Variants in SLC16A7 observed in about 807,000 individuals in gnomAD.
The protein encoded by SLC16A7 is solute carrier family 16 member 7.
Under a neutral mutation model 34.9 loss-of-function variants are expected in SLC16A7, and 33 were observed. The observed-to-expected ratio is 0.94, with a 90% CI of 0.72 to 1.26. The LOEUF (loss-of-function observed/expected upper bound fraction) is 1.26. Among genes scored for constraint, SLC16A7 ranks in the 50% most tolerant of loss-of-function variants. The pLI, the probability that SLC16A7 is intolerant of heterozygous loss-of-function variation, is 0.00. For synonymous variants in SLC16A7, 201 were observed against 206.6 expected (o/e 0.97, Z 0.23); for missense variants, 573 against 578.1 (o/e 0.99, Z 0.09).
rs759867847 is a variant in SLC16A7, at chr12:59,771,324, G to C, written c.323G>C (p.Ser108Thr). Residue 108 changes from serine to threonine, a missense_variant, in exon 4 of 6, where the codon AGC becomes ACC. Transcript: ENST00000547379. ...LGMVLASFSS[S>T]VVQLYLTMGF... ...ATGGTGTTGGCCTCCTTTAGTAGCA[G>C]CGTGGTACAGCTGTACCTCACTATG... 9 of 1,612,434 alleles carry C rather than the reference G, an allele frequency of 5.6e-6. No individual in the cohort carries two copies. Among genetic ancestry groups the C allele is most frequent in the Non-Finnish European group, 5.9e-6 (7 of 1,179,202 alleles).
chr12:59,694,424 G>C (rs1465680376), intron 2 of SLC16A7, among the ~76,000 whole-genome samples: 2 of 151,914 alleles, frequency 1.3e-5, no homozygotes, highest in African/African-American at 4.8e-5. Flanking sequence ...GGTTAGTTTG[G>C]AGATAAGTGT....
chr12:59,771,184 C>T, intron 3 of SLC16A7, 35 bp from the exon 4 acceptor site: 1 of 1,575,574 alleles, frequency 6.3e-7, no homozygotes, highest in Non-Finnish European at 8.6e-7. Flanking sequence ...ATGACAAGAG[C>T]AACTGAGTAT....
chr12:59,710,082 C>G (rs1240646364), intron 3 of SLC16A7, among the ~76,000 whole-genome samples: 2 of 151,516 alleles, frequency 1.3e-5, no homozygotes, highest in African/African-American at 4.9e-5. Flanking sequence ...TATGAGATAG[C>G]CTTAGTCAAT....
chr12:59,656,695 C>A (rs1458667786), intron 2 of SLC16A7, among the ~76,000 whole-genome samples: 1 of 151,968 alleles, frequency 6.6e-6, no homozygotes, highest in Non-Finnish European at 1.5e-5. Flanking sequence ...TACAGACAGC[C>A]TCAGAGTAGA....
At chr12:59,771,673 A>G (rs1321041989) in intron 4 of SLC16A7, among the ~76,000 whole-genome samples, 1 of 152,090 alleles carries the variant, frequency 6.6e-6, no homozygotes, top group Non-Finnish European at 1.5e-5. Flanking sequence ...GTGTTGTTGG[A>G]CACAGACTTT....
At chr12:59,613,255 T>C (rs994766778) in intron 1 of SLC16A7, among the ~76,000 whole-genome samples, 1 of 152,152 alleles carries the variant, frequency 6.6e-6, no homozygotes, top group African/African-American at 2.4e-5. Flanking sequence ...TATAAAACCA[T>C]CAGATCTTGT....
Position 59,775,273 on chromosome 12 carries a change from G to T in SLC16A7, c.978G>T (p.Val326=), listed in dbSNP as rs200630051. ...FFSFAIMFNG[V]CHLLCPLAQD... Reference sequence around the variant, plus strand: ...GTTTTGCAATCATGTTCAATGGAGTGTGTCACCTCTTGTGCCCACTGGCAC... The same window carrying T: ...GTTTTGCAATCATGTTCAATGGAGTTTGTCACCTCTTGTGCCCACTGGCAC... Residue 326 remains valine (V), a synonymous_variant, in exon 5 of 6, where the codon GTG becomes GTT. Coordinates refer to ENST00000547379, the MANE Select transcript of SLC16A7 (RefSeq NM_001270623.2). 6.2e-7 allele frequency: 1 copy of T among 1,614,180 alleles called. No individual in the cohort carries two copies. The highest frequency in any genetic ancestry group is 1.3e-5 in the African/African-American group (1 of 75,074).
chr12:59,727,486 G>A (rs117056828), intron 3 of SLC16A7, among the ~76,000 whole-genome samples: 1,814 of 152,204 alleles, frequency 0.012, 25 homozygotes, highest in Non-Finnish European at 0.02. Context: ...CAATTTTCAG[G>A]TCTTTAGTAG....
chr12:59,606,364 G>A lies in SLC16A7; in HGVS notation c.-130+10128G>A, dbSNP rs374089430. ...GGAAATTCCCTTTAGATGTGATAGCGCACATAAACACACGTAAAAACTACC... is the reference window on the plus strand; with the variant it reads ...GGAAATTCCCTTTAGATGTGATAGCACACATAAACACACGTAAAAACTACC... On this transcript the variant is annotated intron_variant, in intron 1 of 5. Transcript: ENST00000547379. Among the ~76,000 whole-genome samples, 8 of 152,042 alleles carry A rather than the reference G, an allele frequency of 5.3e-5. No homozygotes were observed. The East Asian group carries it at 7.7e-4, about 15-fold the overall frequency.
intron 2 of SLC16A7, among the ~76,000 whole-genome samples, chr12:59,696,855 G>A (rs1213490675): frequency 1.3e-5 from 2 of 152,046 alleles, no homozygotes; most frequent in African/African-American, 4.8e-5. Context: ...AAATGAAGAA[G>A]TATGTGAGTG....
At chr12:59,644,318 G>C (rs1050748638) in intron 1 of SLC16A7, among the ~76,000 whole-genome samples, 8 of 152,254 alleles carry the variant, frequency 5.3e-5, no homozygotes, top group Middle Eastern at 3.4e-3. Context: ...TGTAATCCCA[G>C]CAGTTTGGGA....
intron 2 of SLC16A7, among the ~76,000 whole-genome samples, chr12:59,685,539 C>T (rs1395362550): frequency 3.3e-5 from 5 of 151,992 alleles, no homozygotes; most frequent in Non-Finnish European, 7.4e-5. Context: ...TTATTTATGA[C>T]ATATTTTGTG....
chr12:59,750,852 C>T (rs2706283), intron 3 of SLC16A7, among the ~76,000 whole-genome samples: 18,641 of 152,044 alleles, frequency 0.12, 1,492 homozygotes, highest in African/African-American at 0.22. Flanking sequence ...AAATGTGGCG[C>T]ATATACACCA....
At chr12:59,724,032 A>G (rs1376061249) in intron 3 of SLC16A7, among the ~76,000 whole-genome samples, 1 of 152,036 alleles carries the variant, frequency 6.6e-6, no homozygotes, top group Non-Finnish European at 1.5e-5. Flanking sequence ...TCGTTGGCCT[A>G]CCGATTGATA....
At chr12:59,748,816 T>C (rs2711693) in intron 3 of SLC16A7, among the ~76,000 whole-genome samples, 18,651 of 152,220 alleles carry the variant, frequency 0.12, 1,496 homozygotes, top group African/African-American at 0.22. Context: ...AAGACTTACC[T>C]ATAGATATGC....
In SLC16A7 at chr12:59,743,536, G is replaced by A. The variant is rs181774447; in HGVS notation, c.218-27683G>A. Among the ~76,000 whole-genome samples, 293 of 152,254 alleles carry A rather than the reference G, an allele frequency of 1.9e-3. 3 individuals carry two copies. The highest frequency in any genetic ancestry group is 6.9e-3 in the African/African-American group (287 of 41,544). ...CATAATCCCTGCACATAGCCTGAAAGATGCTCAGTAAATATGTGGTGAGTA... is the reference window on the plus strand; with the variant it reads ...CATAATCCCTGCACATAGCCTGAAAAATGCTCAGTAAATATGTGGTGAGTA... On this transcript the variant is annotated intron_variant, in intron 3 of 5. Coordinates refer to ENST00000547379, the MANE Select transcript of SLC16A7 (RefSeq NM_001270623.2).
At chr12:59,600,742 C>G (rs955573049) in intron 1 of SLC16A7, among the ~76,000 whole-genome samples, 2 of 152,096 alleles carry the variant, frequency 1.3e-5, no homozygotes, top group East Asian at 3.9e-4. Flanking sequence ...TAAAACTAGT[C>G]CAGCTGGAGC....
chr12:59,764,716 T>C (rs1372918050), intron 3 of SLC16A7, among the ~76,000 whole-genome samples: 3 of 152,218 alleles, frequency 2.0e-5, no homozygotes, highest in Non-Finnish European at 4.4e-5. Flanking sequence ...CCATATTTTC[T>C]TAATCCAGTC....
intron 2 of SLC16A7, among the ~76,000 whole-genome samples, chr12:59,685,543 T>C (rs1019228754): frequency 2.6e-5 from 4 of 152,174 alleles, no homozygotes; most frequent in Non-Finnish European, 4.4e-5. Context: ...TTATGACATA[T>C]TTTGTGGCTA....
Sources: allele counts gnomAD v4.1 joint callset (sites outside exome capture counted in the v4.1 genomes callset), GRCh38; gene constraint gnomAD v4.1.1; transcripts MANE v1.5; gene names NCBI Gene and HGNC (gene_info 2026-07-23, HGNC 2026-07-21).